SGCZ: variants seen among roughly 807,000 people sequenced by gnomAD.
SGCZ encodes the protein sarcoglycan zeta.
SGCZ carries 40 observed loss-of-function variants against 41.3 expected under a neutral mutation model. The observed-to-expected ratio is 0.97, with a 90% confidence interval of 0.75 to 1.26. The LOEUF (loss-of-function observed/expected upper bound fraction) is 1.26. Among genes scored for constraint, SGCZ ranks in the 50% most tolerant of loss-of-function variants. The pLI is 0.00. For missense variants in SGCZ, 552 were observed against 369.8 expected (o/e 1.49, Z -4.04); for synonymous variants, 206 against 137.5 (o/e 1.50, Z -3.49).
At chr8:15,148,334 T>C (rs1489231950) in intron 1 of SGCZ, among the ~76,000 whole-genome samples, 2 of 152,204 alleles carry the variant, frequency 1.3e-5, no homozygotes, top group Non-Finnish European at 2.9e-5. Flanking sequence ...AGGAGCTCAC[T>C]GATGGTTAAT....
intron 1 of SGCZ, among the ~76,000 whole-genome samples, chr8:15,100,169 T>C (rs1158298742): frequency 6.6e-6 from 1 of 152,146 alleles, no homozygotes. Context: ...GACCCTTGAA[T>C]TTTCGGATGA....
At chr8:15,033,691 G>T (rs1803770520) in intron 1 of SGCZ, among the ~76,000 whole-genome samples, 1 of 152,042 alleles carries the variant, frequency 6.6e-6, no homozygotes, top group Admixed American at 6.6e-5. Flanking sequence ...TTATCCCAGT[G>T]CCTGGTTGGC....
chr8:14,254,021 C>G (rs1173578950), intron 3 of SGCZ, among the ~76,000 whole-genome samples: 1 of 152,114 alleles, frequency 6.6e-6, no homozygotes, highest in Non-Finnish European at 1.5e-5. Context: ...TGTATTAAAA[C>G]AGTACTTCTT....
chr8:14,445,797 G>C (rs1800415470), intron 2 of SGCZ, among the ~76,000 whole-genome samples: 1 of 152,168 alleles, frequency 6.6e-6, no homozygotes, highest in African/African-American at 2.4e-5. Context: ...GGAGTTAGGA[G>C]AGTAATGGAA....
At chr8:14,875,805 G>A (rs192237676) in intron 1 of SGCZ, among the ~76,000 whole-genome samples, 1 of 152,282 alleles carries the variant, frequency 6.6e-6, no homozygotes. Flanking sequence ...TAAGGAGCCT[G>A]ACCTTGAATA....
chr8:14,899,640 C>T (rs901384088), intron 1 of SGCZ, among the ~76,000 whole-genome samples: 10 of 152,248 alleles, frequency 6.6e-5, no homozygotes, highest in Non-Finnish European at 8.8e-5. Flanking sequence ...AGGTTCACTA[C>T]CTGATCCCGA....
chr8:14,367,506 T>C (rs1803756052), intron 2 of SGCZ, among the ~76,000 whole-genome samples: 1 of 152,080 alleles, frequency 6.6e-6, no homozygotes, highest in African/African-American at 2.4e-5. Context: ...TACCCAAAAC[T>C]AGGCATGTTA....
chr8:15,186,141 A>G (rs1800332226), intron 1 of SGCZ, among the ~76,000 whole-genome samples: 1 of 151,072 alleles, frequency 6.6e-6, no homozygotes, highest in Non-Finnish European at 1.5e-5. Flanking sequence ...GGGCGCCTGT[A>G]GTCCCAGCTA....
intron 1 of SGCZ, among the ~76,000 whole-genome samples, chr8:15,101,955 G>C (rs1286636068): frequency 6.6e-6 from 1 of 152,106 alleles, no homozygotes; most frequent in East Asian, 1.9e-4. Context: ...AATTACTTTG[G>C]AAGAGAGTTT....
intron 1 of SGCZ, among the ~76,000 whole-genome samples, chr8:15,088,532 C>A (rs933721875): frequency 6.6e-6 from 1 of 152,040 alleles, no homozygotes; most frequent in African/African-American, 2.4e-5. Context: ...GATGTTAATT[C>A]TTGAATAAAC....
intron 6 of SGCZ, among the ~76,000 whole-genome samples, chr8:14,107,238 A>G (rs1241513281): frequency 1.6e-5 from 2 of 128,442 alleles, no homozygotes; most frequent in African/African-American, 2.9e-5. Context: ...AAAAAAATAA[A>G]TAAAAAAAAA....
intron 2 of SGCZ, among the ~76,000 whole-genome samples, chr8:14,439,454 T>C (rs1297856671): frequency 6.6e-6 from 1 of 151,542 alleles, no homozygotes; most frequent in Non-Finnish European, 1.5e-5. Context: ...ATTACTCAGA[T>C]GCCAAAATCA....
intron 1 of SGCZ, among the ~76,000 whole-genome samples, chr8:14,979,212 A>C (rs529331099): frequency 6.6e-6 from 1 of 152,226 alleles, no homozygotes; most frequent in East Asian, 1.9e-4. Flanking sequence ...ATATCATCTC[A>C]GGTAACATCA....
At chr8:14,659,441 A>T (rs1428051889) in intron 1 of SGCZ, among the ~76,000 whole-genome samples, 1 of 152,148 alleles carries the variant, frequency 6.6e-6, no homozygotes, top group Non-Finnish European at 1.5e-5. Flanking sequence ...CTTTTCTCAA[A>T]TTTTTTACAG....
At chr8:14,987,049 T>C (rs1018482995) in intron 1 of SGCZ, among the ~76,000 whole-genome samples, 3 of 151,926 alleles carry the variant, frequency 2.0e-5, no homozygotes, top group Admixed American at 2.0e-4. Flanking sequence ...AACTATTACA[T>C]GTCTGAAGTT....
At chr8:14,829,082 G>A (rs560111623) in intron 1 of SGCZ, among the ~76,000 whole-genome samples, 1 of 152,158 alleles carries the variant, frequency 6.6e-6, no homozygotes, top group South Asian at 2.1e-4. Flanking sequence ...TGTAACAAAG[G>A]TTTGTTCCAA....
At chr8:14,443,413 C>A (rs1264504656) in intron 2 of SGCZ, among the ~76,000 whole-genome samples, 1 of 152,120 alleles carries the variant, frequency 6.6e-6, no homozygotes, top group African/African-American at 2.4e-5. Flanking sequence ...TCAAACTATA[C>A]TACAAGGCTA....
At chr8:14,803,170 T>C (rs1387675925) in intron 1 of SGCZ, among the ~76,000 whole-genome samples, 2 of 152,196 alleles carry the variant, frequency 1.3e-5, no homozygotes, top group African/African-American at 4.8e-5. Flanking sequence ...GAATCATTTA[T>C]TTTTTAAAAA....
intron 6 of SGCZ, 24 bp from the exon 7 acceptor site, chr8:14,102,523 T>A (rs747418312): frequency 1.5e-5 from 21 of 1,361,460 alleles, no homozygotes; most frequent in Admixed American, 2.9e-5. Context: ...AAAAAATCAT[T>A]AATAGGAAAA....
Sources: gnomAD v4.1 joint callset for allele counts (sites outside exome capture counted in the v4.1 genomes callset) on GRCh38, gnomAD v4.1.1 for gene constraint, MANE v1.5 for transcripts, NCBI Gene and HGNC (gene_info 2026-07-23, HGNC 2026-07-21) for gene names.